Variants in INPP5D observed in about 807,000 individuals in gnomAD.
INPP5D encodes phosphatidylinositol 3,4,5-trisphosphate 5-phosphatase 1.
A neutral mutation model predicts 122.9 loss-of-function variants in INPP5D; 33 were observed. The ratio of observed to expected loss-of-function variants is 0.27; its 90% CI spans 0.20 to 0.36. The LOEUF is 0.36. Ranked by LOEUF, INPP5D falls within the 10% of genes least tolerant of loss-of-function variation. The pLI is 1.00. For missense variants in INPP5D, 1,053 were observed against 1,412.7 expected (o/e 0.75, Z 4.08); for synonymous variants, 584 against 576.2 (o/e 1.01, Z -0.19).
chr2:233,197,216 C>T lies in INPP5D; in HGVS notation c.2694-879C>T, dbSNP rs1346532543. Among the ~76,000 whole-genome samples the T allele has an allele frequency of 6.6e-6, 1 of 152,212 alleles. No individual in the cohort carries two copies. Among genetic ancestry groups the T allele is most frequent in the Non-Finnish European group, 1.5e-5 (1 of 68,028 alleles). ...GTTCTCAGGAGGCCGGTGCCTGACA[C>T]AGTGGCAGCGTGCAGTGTGTCTGTT... On this transcript the variant is annotated intron_variant, in intron 24 of 26. Coordinates refer to ENST00000445964, the MANE Select transcript of INPP5D (RefSeq NM_001017915.3). This position sits in a 1 kb window ranked among gnomAD's most constrained non-coding sequence, Gnocchi z 4.4.
chr2:233,114,427 C>A (rs537702181), intron 2 of INPP5D, among the ~76,000 whole-genome samples: 1 of 152,298 alleles, frequency 6.6e-6, no homozygotes, highest in South Asian at 2.1e-4. Context: ...GGGGAGAGGC[C>A]AGGCCGGGAG....
intron 5 of INPP5D, among the ~76,000 whole-genome samples, chr2:233,139,346 G>A (rs1208215411): frequency 1.3e-5 from 2 of 152,134 alleles, no homozygotes; most frequent in Non-Finnish European, 2.9e-5. Context: ...CTGCATTTGG[G>A]CTGCTAGGAG....
intron 2 of INPP5D, among the ~76,000 whole-genome samples, chr2:233,116,751 T>C (rs1018223510): frequency 2.0e-5 from 3 of 151,908 alleles, no homozygotes; most frequent in African/African-American, 4.8e-5. Context: ...CGCCTGCCAC[T>C]GCACCTGGCT....
chr2:233,141,405 A>G (rs1693628956), intron 6 of INPP5D: 2 of 152,104 alleles, frequency 1.3e-5, no homozygotes, highest in African/African-American at 4.8e-5. Flanking sequence ...TGTCTCTACC[A>G]AAAATACAAA....
intron 2 of INPP5D, among the ~76,000 whole-genome samples, chr2:233,086,594 G>A (rs1211703919): frequency 1.3e-5 from 2 of 152,140 alleles, no homozygotes; most frequent in African/African-American, 2.4e-5. Context: ...CACACGGAAA[G>A]GAGAAGTGAA....
In INPP5D at chr2:233,177,032, T is replaced by C. The variant is rs540170424; in HGVS notation, c.1990-233T>C. Among the ~76,000 whole-genome samples, 3 of 152,096 alleles carry C rather than the reference T, an allele frequency of 2.0e-5. No individual in the cohort carries two copies. The highest frequency in any genetic ancestry group is 1.9e-4 in the East Asian group (1 of 5,166). On this transcript the variant is annotated intron_variant, in intron 17 of 26. Transcript: ENST00000445964. This position sits in a 1 kb window ranked among gnomAD's most constrained non-coding sequence, Gnocchi z 4.2. ...GGATACTGAAGTAGTCAGGAGGATA[T>C]GTGAGGGAATACAGCAAGGTGAGTT... is the stretch of plus-strand genomic sequence containing the variant.
Position 233,177,999 on chromosome 2 carries a change from C to G in INPP5D, c.2071+653C>G, listed in dbSNP as rs1208208307. 6.6e-6 allele frequency among the ~76,000 whole-genome samples: 1 copy of G among 152,176 alleles called. No homozygotes were observed. The highest frequency in any genetic ancestry group is 1.5e-5 in the Non-Finnish European group (1 of 68,040). On this transcript the variant is annotated intron_variant, in intron 18 of 26. Coordinates refer to ENST00000445964, the MANE Select transcript of INPP5D (RefSeq NM_001017915.3). This position sits in a 1 kb window ranked among gnomAD's most constrained non-coding sequence, Gnocchi z 4.2. ...GAAATTCATATGGCTCAAACTAATACATGTCGCAAGTGTGTACACATATAT... is the reference window on the plus strand; with the variant it reads ...GAAATTCATATGGCTCAAACTAATAGATGTCGCAAGTGTGTACACATATAT...
Position 233,204,171 on chromosome 2 carries a change from G to A in INPP5D, c.3021G>A (p.Glu1007=), listed in dbSNP as rs746064914. 48 of 1,600,416 alleles carry A rather than the reference G, an allele frequency of 3.0e-5. No individual in the cohort carries two copies. The Admixed American group carries it at 8.0e-4, about 27-fold the overall frequency. The change falls in exon 26 of 27, where the codon GAG becomes GAA. Residue 1007 remains glutamate (E), a synonymous_variant. Transcript: ENST00000445964. ...GKNAGDTLPQ[E]DLPLTKPEMF... ...ACGCAGGGGACACGCTGCCTCAGGA[G>A]GACCTGCCGCTGACGAAGCCCGAGA...
At position 233,198,166 on chromosome 2, in the gene INPP5D, G is replaced by A. The variant is rs775258412; in HGVS notation, c.2765G>A (p.Gly922Glu). The change falls in exon 25 of 27, where the codon GGG becomes GAG. Residue 922 changes from glycine (G) to glutamate (E), a missense_variant. Physicochemically the swap from Gly to Glu is moderately conservative, Grantham distance 98. Around this residue, in one of 6 missense-constraint regions of INPP5D, gnomAD observed 417 missense variants for 425.8 expected, o/e 0.98. Coordinates refer to ENST00000445964, the MANE Select transcript of INPP5D (RefSeq NM_001017915.3). ...AACTACATGGGAGTGGGGCCCTTTG[G>A]GCCACCAATGCCCCTGCACGTGAAG... ...NPNYMGVGPF[G>E]PPMPLHVKQT... 6.2e-6 allele frequency: 10 copies of A among 1,613,396 alleles called. No individual in the cohort carries two copies. In the Admixed American group the frequency reaches 1.5e-4, roughly 24 times the overall value.
intron 2 of INPP5D, among the ~76,000 whole-genome samples, chr2:233,121,036 T>G (rs1376802644): frequency 6.6e-6 from 1 of 151,846 alleles, no homozygotes; most frequent in East Asian, 1.9e-4. Context: ...CACTCACAAA[T>G]TCTAGAAAAA....
intron 2 of INPP5D, among the ~76,000 whole-genome samples, chr2:233,102,645 G>A (rs542629194): frequency 1.8e-4 from 28 of 151,870 alleles, no homozygotes; most frequent in African/African-American, 4.8e-4. Context: ...TCAGGAGATC[G>A]AGACCATCCT....
chr2:233,150,417 A>G (rs969593435), intron 9 of INPP5D, among the ~76,000 whole-genome samples: 2 of 152,314 alleles, frequency 1.3e-5, no homozygotes, highest in African/African-American at 4.8e-5. Context: ...TGGAACTGTG[A>G]GTCCATTAAA....
chr2:233,200,340 G>C (rs1338509194), intron 25 of INPP5D, among the ~76,000 whole-genome samples: 1 of 152,228 alleles, frequency 6.6e-6, no homozygotes, highest in East Asian at 1.9e-4. Context: ...AGACGTGAAA[G>C]TGCAGGCCCA....
chr2:233,113,074 G>C (rs796323575), intron 2 of INPP5D, among the ~76,000 whole-genome samples: 34 of 152,266 alleles, frequency 2.2e-4, no homozygotes, highest in African/African-American at 7.7e-4. Flanking sequence ...CTTTCTCTGA[G>C]AGTGAGAAGC....
At position 233,197,979 on chromosome 2, in the gene INPP5D, G is replaced by A. The variant is rs1420148085; in HGVS notation, c.2694-116G>A. On this transcript the variant is annotated intron_variant, in intron 24 of 26. Coordinates refer to ENST00000445964, the MANE Select transcript of INPP5D (RefSeq NM_001017915.3). The surrounding 1 kb of genome is among the most constrained non-coding windows in gnomAD (Gnocchi z 4.4). ...ATGGATCACTGCCCAAGAGGTGAAG[G>A]AGTTGAGGAGAGCTCGAGAGAGCCC... 1 of 1,373,312 alleles carries A rather than the reference G, an allele frequency of 7.3e-7. No individual in the cohort carries two copies. The highest frequency in any genetic ancestry group is 1.5e-5 in the African/African-American group (1 of 68,618). 85.1% of individuals were successfully genotyped at this position (1,373,312 alleles called of 1,614,324 possible).
Position 233,164,436 on chromosome 2 carries a change from G to A in INPP5D, c.1555+12G>A, listed in dbSNP as rs549775918. On this transcript the variant is annotated intron_variant, in intron 13 of 26. Transcript: ENST00000445964. The surrounding 1 kb of genome is among the most constrained non-coding windows in gnomAD (Gnocchi z 4.3). ...TGCAAACACACTGGGTGAGCAGGGCGGGGACCCTGTGTTCCTCCCACACCC... is the reference window on the plus strand; with the variant it reads ...TGCAAACACACTGGGTGAGCAGGGCAGGGACCCTGTGTTCCTCCCACACCC... 364 of 1,541,002 alleles carry A rather than the reference G, an allele frequency of 2.4e-4. 2 individuals are homozygous for A. The South Asian group carries it at 3.8e-3, about 16-fold the overall frequency.
intron 2 of INPP5D, among the ~76,000 whole-genome samples, chr2:233,104,480 AGGCCCT>A (rs1344880415): frequency 1.3e-5 from 2 of 152,150 alleles, no homozygotes. Flanking sequence ...CACGGGACAG[AGGCCCT>A]GCTAAAGAGC....
chr2:233,151,312 A>T (rs1486828998), intron 9 of INPP5D, among the ~76,000 whole-genome samples: 1 of 109,316 alleles, frequency 9.1e-6, no homozygotes, highest in African/African-American at 4.0e-5. Context: ...ATCTCTAAAA[A>T]TTAATAATAA....
At chr2:233,075,537 ACATGCATG>A (rs758563925) in intron 1 of INPP5D, among the ~76,000 whole-genome samples, 14 of 152,084 alleles carry the variant, frequency 9.2e-5, no homozygotes, top group Non-Finnish European at 2.1e-4. Flanking sequence ...GTACATACAC[ACATGCATG>A]CATGCATGTT....
Sources: gnomAD v4.1 joint callset for allele counts (sites outside exome capture counted in the v4.1 genomes callset) on GRCh38, gnomAD v4.1.1 for gene constraint, gnomAD v4.1.1 regional missense constraint, Gnocchi (gnomAD v3.1) non-coding constraint, MANE v1.5 for transcripts, NCBI Gene and HGNC (gene_info 2026-07-23, HGNC 2026-07-21) for gene names.